The following SUGCT variants were observed in gnomAD, a reference collection of about 807,000 sequenced individuals.
The protein encoded by SUGCT is succinyl-CoA:glutarate CoA-transferase.
SUGCT carries 41 observed loss-of-function variants against 55.0 expected under a neutral mutation model. The observed-to-expected ratio is 0.74, with a 90% CI of 0.58 to 0.97. The LOEUF is 0.97. Among genes scored for constraint, SUGCT ranks in the 50% least tolerant of loss-of-function variants. The pLI, the probability that SUGCT is intolerant of heterozygous loss-of-function variation, is 0.00. For synonymous variants in SUGCT, 187 were observed against 200.4 expected, an observed-to-expected ratio of 0.93 and a Z score of 0.56; for missense variants, 568 against 547.8, an observed-to-expected ratio of 1.04 and a Z score of -0.37.
chr7:40,884,686 G>T, the SUGCT span, among the ~76,000 whole-genome samples: 1 of 152,230 alleles, frequency 6.6e-6, no homozygotes, highest in Non-Finnish European at 1.5e-5. Context: ...ATCACCTCTT[G>T]CTTGGTAGAA....
intron 12 of SUGCT, among the ~76,000 whole-genome samples, chr7:40,521,226 T>C (rs931270195): frequency 6.6e-6 from 1 of 152,130 alleles, no homozygotes; most frequent in Non-Finnish European, 1.5e-5. Context: ...CCCCGTGTGA[T>C]GCTGTTCTCA....
At chr7:40,277,807 T>A (rs982509538) in intron 8 of SUGCT, among the ~76,000 whole-genome samples, 2 of 151,996 alleles carry the variant, frequency 1.3e-5, no homozygotes, top group African/African-American at 4.8e-5. Context: ...CATTTAGCAC[T>A]AGGTATATCT....
chr7:40,432,673 G>A (rs1450669028), intron 9 of SUGCT, among the ~76,000 whole-genome samples: 4 of 129,706 alleles, frequency 3.1e-5, no homozygotes, highest in African/African-American at 8.8e-5. Context: ...GCAACAGAGT[G>A]AGACTCCCTC....
At chr7:40,850,336 T>G (rs974179597) in intron 13 of SUGCT, among the ~76,000 whole-genome samples, 2 of 152,076 alleles carry the variant, frequency 1.3e-5, no homozygotes, top group Admixed American at 6.5e-5. Flanking sequence ...ATTTGTAAAG[T>G]GGGGATGATA....
intron 9 of SUGCT, among the ~76,000 whole-genome samples, chr7:40,334,349 T>G (rs2151157553): frequency 6.6e-6 from 1 of 152,334 alleles, no homozygotes; most frequent in South Asian, 2.1e-4. Flanking sequence ...ATGGTTGAAC[T>G]AGTTTACAAT....
chr7:40,186,386 G>A (rs1785511190), intron 3 of SUGCT, among the ~76,000 whole-genome samples: 1 of 151,782 alleles, frequency 6.6e-6, no homozygotes, highest in Non-Finnish European at 1.5e-5. Context: ...AGCGTCCTAA[G>A]TAGCTGGGAA....
the SUGCT span, among the ~76,000 whole-genome samples, chr7:40,890,666 T>C: frequency 3.9e-5 from 6 of 152,160 alleles, no homozygotes; most frequent in African/African-American, 1.4e-4. Flanking sequence ...AACCTCTGCA[T>C]GGGCTGACTG....
At chr7:40,205,134 CT>C (rs1366443700) in intron 6 of SUGCT, among the ~76,000 whole-genome samples, 1 of 150,574 alleles carries the variant, frequency 6.6e-6, no homozygotes, top group Admixed American at 6.7e-5. Context: ...TGTGCCTGTA[CT>C]CCTAGCTACT....
At chr7:40,358,288 A>G (rs1797974226) in intron 9 of SUGCT, among the ~76,000 whole-genome samples, 1 of 152,214 alleles carries the variant, frequency 6.6e-6, no homozygotes, top group African/African-American at 2.4e-5. Context: ...CATTATGGCC[A>G]GGTTATTAAG....
chr7:40,248,072 C>T (rs1402168973), intron 7 of SUGCT, among the ~76,000 whole-genome samples: 3 of 146,740 alleles, frequency 2.0e-5, no homozygotes, highest in African/African-American at 5.0e-5. Context: ...AGTGCAGTGG[C>T]GTGATCTCGG....
rs147666520 is a variant in SUGCT, at chr7:40,179,653, C to T, written c.101-1294C>T. 9.2e-4 allele frequency among the ~76,000 whole-genome samples: 140 copies of T among 152,316 alleles called. 1 individual carries two copies. The highest frequency in any genetic ancestry group is 3.0e-3 in the African/African-American group (123 of 41,572). On this transcript the variant is annotated intron_variant, in intron 1 of 13. Transcript: ENST00000335693. ...TCTGCAAATAGCTAGTGGCTTGGCT[C>T]GGCCTGGGTGTTCCAAGATGGCTTC...
At chr7:40,937,651 A>G in the SUGCT span, among the ~76,000 whole-genome samples, 12 of 151,832 alleles carry the variant, frequency 7.9e-5, no homozygotes, top group Non-Finnish European at 1.5e-4. Context: ...AAATTTTGCT[A>G]TTTGTTTCTA....
the SUGCT span, among the ~76,000 whole-genome samples, chr7:40,884,506 C>A: frequency 6.6e-6 from 1 of 152,138 alleles, no homozygotes. Context: ...GGAGATGCTC[C>A]TTGCTTGGCT....
chr7:40,436,198 C>T (rs1482681799), intron 9 of SUGCT, among the ~76,000 whole-genome samples: 1 of 152,210 alleles, frequency 6.6e-6, no homozygotes, highest in East Asian at 1.9e-4. Flanking sequence ...CCACCTCTGC[C>T]TCCCAAAGTG....
At chr7:40,599,035 A>G (rs987996490) in intron 12 of SUGCT, among the ~76,000 whole-genome samples, 8 of 152,182 alleles carry the variant, frequency 5.3e-5, no homozygotes, top group African/African-American at 1.9e-4. Context: ...AATGGGGCCT[A>G]CCTTCCTCTC....
intron 12 of SUGCT, among the ~76,000 whole-genome samples, chr7:40,661,349 A>G (rs974779431): frequency 3.3e-5 from 5 of 152,120 alleles, no homozygotes; most frequent in African/African-American, 4.8e-5. Flanking sequence ...CTTCTGAAAG[A>G]TTCAGTTACC....
At chr7:40,688,110 T>A (rs917304757) in intron 12 of SUGCT, among the ~76,000 whole-genome samples, 2 of 152,172 alleles carry the variant, frequency 1.3e-5, no homozygotes, top group African/African-American at 2.4e-5. Flanking sequence ...ATAGTATTCT[T>A]AATGCAATGG....
At chr7:40,165,054 T>C (rs1276728425) in intron 1 of SUGCT, among the ~76,000 whole-genome samples, 6 of 152,152 alleles carry the variant, frequency 3.9e-5, no homozygotes, top group African/African-American at 9.7e-5. Context: ...CTAACTATTA[T>C]AGATAAAGCT....
At chr7:40,665,022 C>A (rs999426273) in intron 12 of SUGCT, among the ~76,000 whole-genome samples, 5 of 150,958 alleles carry the variant, frequency 3.3e-5, no homozygotes, top group Non-Finnish European at 7.4e-5. Context: ...ATTTTTATGG[C>A]GATCTAATTT....
Sources: allele counts gnomAD v4.1 joint callset (sites outside exome capture counted in the v4.1 genomes callset), GRCh38; gene constraint gnomAD v4.1.1; transcripts MANE v1.5; gene names NCBI Gene and HGNC (gene_info 2026-07-23, HGNC 2026-07-21).